PEX5: variants seen among roughly 807,000 people sequenced by gnomAD.
PEX5 encodes the protein peroxisomal biogenesis factor 5.
Under a neutral mutation model 82.9 loss-of-function variants are expected in PEX5, and 52 were observed. The observed-to-expected ratio is 0.63, with a 90% CI of 0.50 to 0.79. The LOEUF (loss-of-function observed/expected upper bound fraction) is 0.79, where lower values mean the gene tolerates loss of function less well. Among genes scored for constraint, PEX5 ranks in the 30% least tolerant of loss-of-function variants. The pLI, the probability that PEX5 is intolerant of heterozygous loss-of-function variation, is 0.00. For synonymous variants in PEX5, 300 were observed against 318.8 expected, an observed-to-expected ratio of 0.94 and a Z score of 0.63; for missense variants, 719 against 815.2, an observed-to-expected ratio of 0.88 and a Z score of 1.44.
downstream of PEX5, among the ~76,000 whole-genome samples, chr12:7,213,440 T>C (rs1945683423): frequency 1.3e-5 from 1 of 79,458 alleles, no homozygotes; most frequent in Non-Finnish European, 3.0e-5. Context: ...TCTACAACTA[T>C]CTGATCTTTG....
chr12:7,197,986 T>C (rs1943070561), intron 5 of PEX5, among the ~76,000 whole-genome samples: 1 of 131,070 alleles, frequency 7.6e-6, no homozygotes, highest in Non-Finnish European at 1.6e-5. Context: ...AAGAACACCG[T>C]AGGCTTGTGC....
chr12:7,193,521 C>T (rs1423692413), intron 5 of PEX5, among the ~76,000 whole-genome samples: 1 of 152,152 alleles, frequency 6.6e-6, no homozygotes, highest in Non-Finnish European at 1.5e-5. Flanking sequence ...TGAGCCACCG[C>T]ACGCGCCCTC....
chr12:7,190,652 G>A (rs1041856655), intron 2 of PEX5, 128 bp downstream of exon 2: 2 of 1,551,770 alleles, frequency 1.3e-6, no homozygotes, highest in East Asian at 2.4e-5. Context: ...GGTGGTGGTG[G>A]TCTGAGGTGG....
Position 7,210,661 on chromosome 12 carries a change from C to T in PEX5, c.*438C>T, listed in dbSNP as rs909791355. On this transcript the variant is annotated 3_prime_UTR_variant, in exon 16 of 16. Coordinates refer to ENST00000675855, the MANE Select transcript of PEX5 (RefSeq NM_001351132.2). Reference sequence around the variant, plus strand: ...GTAAGTAGGAGGTTCATCTGCTGTGCGCCTCTAATGTCTGTCTGGATGGGA... The same window carrying T: ...GTAAGTAGGAGGTTCATCTGCTGTGTGCCTCTAATGTCTGTCTGGATGGGA... 3.3e-5 allele frequency: 10 copies of T among 305,584 alleles called. No homozygotes were observed. The highest frequency in any genetic ancestry group is 1.4e-4 in the Admixed American group (3 of 21,624). The allele number at this position is 305,584 out of a possible 1,614,324, so 18.9% of individuals were successfully genotyped here. A position where few individuals can be genotyped will look rare whatever the true frequency, so the allele number is the denominator to read the frequency against.
intron 2 of PEX5, 107 bp from the exon 3 acceptor site, chr12:7,190,781 C>A: frequency 1.5e-6 from 2 of 1,329,334 alleles, no homozygotes; most frequent in Non-Finnish European, 2.2e-6. Context: ...TAAATAAATG[C>A]AACCATTTTA....
downstream of PEX5, among the ~76,000 whole-genome samples, chr12:7,212,464 G>GAA (rs5796271): frequency 0.013 from 1,222 of 95,992 alleles, 7 homozygotes; most frequent in East Asian, 0.026. Context: ...AAAGCTGCCA[G>GAA]AAAAAAAAAA....
At chr12:7,199,735 G>T (rs2136088287) in intron 6 of PEX5, among the ~76,000 whole-genome samples, 1 of 151,416 alleles carries the variant, frequency 6.6e-6, no homozygotes, top group African/African-American at 2.4e-5. Context: ...CTCCCAGACG[G>T]GGTGGTGGCC....
intron 5 of PEX5, among the ~76,000 whole-genome samples, chr12:7,195,344 G>A (rs1042675157): frequency 6.6e-6 from 1 of 152,098 alleles, no homozygotes; most frequent in East Asian, 1.9e-4. Context: ...TATCCACATG[G>A]ATCTGATTTT....
At position 7,197,365 on chromosome 12, in the gene PEX5, TTATATATGTCATATACAATGTAATAATTA is replaced by T. The variant is rs1565688407; in HGVS notation, c.449-1621_449-1593del. On this transcript the variant is annotated intron_variant, in intron 5 of 15. Transcript: ENST00000675855. ...ATATATGTCATATACAATGTAATAA[TTATATATGTCATATACAATGTAATAATTA>T]TATATATGTCATATACAATGTAATT... is the stretch of plus-strand genomic sequence containing the variant. Among the ~76,000 whole-genome samples, 16 of 62,042 alleles carry T rather than the reference TTATATATGTCATATACAATGTAATAATTA, an allele frequency of 2.6e-4. 3 individuals are homozygous for T. Among genetic ancestry groups the T allele is most frequent in the Admixed American group, 6.1e-4 (5 of 8,176 alleles). The allele number at this position is 62,042 out of a possible 152,430, so 40.7% of individuals were successfully genotyped here.
Position 7,202,277 on chromosome 12 carries a change from G to A in PEX5, c.679G>A (p.Val227Met), listed in dbSNP as rs768212517. The change falls in exon 8 of 16, where the codon GTG (valine) becomes ATG (methionine). Residue 227 changes from valine to methionine, a missense_variant. Coordinates refer to ENST00000675855, the MANE Select transcript of PEX5 (RefSeq NM_001351132.2). The part of the protein sequence containing the change: ...KFVRQIGEGQ[V>M]SLESGAGSGR... Reference sequence around the variant, plus strand: ...CGTGCGGCAGATTGGCGAAGGGCAGGTGTCCCTGGAGTCCGGTGCAGGGTC... The same window carrying A: ...CGTGCGGCAGATTGGCGAAGGGCAGATGTCCCTGGAGTCCGGTGCAGGGTC... 1 of 1,614,142 alleles carries A rather than the reference G, an allele frequency of 6.2e-7. No individual in the cohort carries two copies. The highest frequency in any genetic ancestry group is 2.2e-5 in the East Asian group (1 of 44,862).
chr12:7,212,315 C>T (rs776465665), downstream of PEX5, among the ~76,000 whole-genome samples: 1 of 151,858 alleles, frequency 6.6e-6, no homozygotes, highest in South Asian at 2.1e-4. Flanking sequence ...CAAATAGAGA[C>T]TAGATCTCAC....
At chr12:7,203,856 G>C (rs1266618135) in intron 10 of PEX5, among the ~76,000 whole-genome samples, 2 of 152,226 alleles carry the variant, frequency 1.3e-5, no homozygotes, top group Non-Finnish European at 2.9e-5. Flanking sequence ...TTGGAGGTCA[G>C]ATTGGGAGCT....
chr12:7,210,283 T>G lies in PEX5; in HGVS notation c.*60T>G, dbSNP rs939699144. On this transcript the variant is annotated 3_prime_UTR_variant, in exon 16 of 16. Coordinates refer to ENST00000675855, the MANE Select transcript of PEX5 (RefSeq NM_001351132.2). The stretch of plus-strand genomic sequence containing the variant: ...GAGGGATCCCCGCTTTGGATGTGAT[T>G]CCCTCTCCCCAAATGGGCCTACCAA... 9 of 1,531,068 alleles carry G rather than the reference T, an allele frequency of 5.9e-6. No homozygotes were observed. The highest frequency in any genetic ancestry group is 6.3e-6 in the Non-Finnish European group (7 of 1,108,296). The allele number at this position is 1,531,068 out of a possible 1,614,324, so 94.8% of individuals were successfully genotyped here. A position where few individuals can be genotyped will look rare whatever the true frequency, so the allele number is the denominator to read the frequency against.
Position 7,191,283 on chromosome 12 carries a change from A to T in PEX5, c.241A>T (p.Thr81Ser), listed in dbSNP as rs769373976. Residue 81 changes from threonine (T) to serine (S), a missense_variant, in exon 4 of 16, where the codon ACC becomes TCC. Thr to Ser is a moderately conservative substitution (Grantham distance 58). Coordinates refer to ENST00000675855, the MANE Select transcript of PEX5 (RefSeq NM_001351132.2). ...NAPLVSRAPQ[T>S]FKMDDLLAEM... Reference sequence around the variant, plus strand: ...ACCCCTTGTGTCCCGTGCCCCTCAGACCTTCAAGATGGATGACCTCCTGGC... The same window carrying T: ...ACCCCTTGTGTCCCGTGCCCCTCAGTCCTTCAAGATGGATGACCTCCTGGC... 4.3e-6 allele frequency: 7 copies of T among 1,613,890 alleles called. No homozygotes were observed. Among genetic ancestry groups the T allele is most frequent in the African/African-American group, 1.3e-5 (1 of 74,834 alleles).
At chr12:7,194,610 C>T (rs1941766369) in intron 5 of PEX5, among the ~76,000 whole-genome samples, 1 of 152,168 alleles carries the variant, frequency 6.6e-6, no homozygotes. Flanking sequence ...AATGGAATCC[C>T]CCCGTCTTAA....
chr12:7,191,492 G>A (rs753182225), intron 4 of PEX5, 77 bp from the exon 5 acceptor site: 71 of 1,598,368 alleles, frequency 4.4e-5, no homozygotes, highest in Non-Finnish European at 6.0e-5. Flanking sequence ...GTGTTTTCAC[G>A]TGGATTCAGG....
chr12:7,197,745 A>G (rs1315607168), intron 5 of PEX5, among the ~76,000 whole-genome samples: 1 of 152,118 alleles, frequency 6.6e-6, no homozygotes, highest in Non-Finnish European at 1.5e-5. Context: ...AGTAAAAGCA[A>G]GGGTGGTCAG....
chr12:7,204,628 A>G (rs1270180785), intron 10 of PEX5, among the ~76,000 whole-genome samples: 1 of 152,196 alleles, frequency 6.6e-6, no homozygotes, highest in Non-Finnish European at 1.5e-5. Context: ...AATATAGATA[A>G]CACTTTTGTT....
At chr12:7,193,523 C>T (rs191935097) in intron 5 of PEX5, among the ~76,000 whole-genome samples, 1 of 152,150 alleles carries the variant, frequency 6.6e-6, no homozygotes, top group Non-Finnish European at 1.5e-5. Context: ...AGCCACCGCA[C>T]GCGCCCTCAC....
Sources: allele counts gnomAD v4.1 joint callset (sites outside exome capture counted in the v4.1 genomes callset), GRCh38; gene constraint gnomAD v4.1.1; transcripts MANE v1.5; gene names NCBI Gene and HGNC (gene_info 2026-07-23, HGNC 2026-07-21).